The following LARP1 variants were observed in gnomAD, a reference collection of about 807,000 sequenced individuals.
LARP1 encodes the protein la-related protein 1.
In LARP1, 36 loss-of-function variants were observed where a neutral mutation model predicts 122.7. The observed-to-expected ratio is 0.29, with a 90% CI of 0.22 to 0.39. LARP1 has a LOEUF of 0.39. LARP1 is among the 10% of genes least tolerant of loss of function. The pLI is 1.00. For synonymous variants in LARP1, 539 were observed against 528.7 expected, an observed-to-expected ratio of 1.02 and a Z score of -0.27; for missense variants, 1,040 against 1,403.6, an observed-to-expected ratio of 0.74 and a Z score of 4.14.
chr5:154,703,577 G>A (rs1159241201), intron 1 of LARP1, among the ~76,000 whole-genome samples: 4 of 152,140 alleles, frequency 2.6e-5, no homozygotes, highest in African/African-American at 9.7e-5. Flanking sequence ...TTGTACCACT[G>A]CATTCCAACC....
At chr5:154,768,835 C>A (rs1324350007) in intron 1 of LARP1, among the ~76,000 whole-genome samples, 1 of 152,100 alleles carries the variant, frequency 6.6e-6, no homozygotes, top group Non-Finnish European at 1.5e-5. Flanking sequence ...CCCGCCTTGG[C>A]CTCCCAAAGT....
intron 1 of LARP1, among the ~76,000 whole-genome samples, chr5:154,702,001 G>A (rs1244483619): frequency 6.6e-6 from 1 of 152,134 alleles, no homozygotes; most frequent in Non-Finnish European, 1.5e-5. Flanking sequence ...TGTGACAGGA[G>A]CTCCCACAGA....
intron 1 of LARP1, among the ~76,000 whole-genome samples, chr5:154,777,012 A>G (rs1755947018): frequency 6.6e-6 from 1 of 152,242 alleles, no homozygotes; most frequent in Admixed American, 6.5e-5. Context: ...ATTCCGAGAA[A>G]TGTGTCATTA....
chr5:154,749,467 C>T (rs963421969), intron 1 of LARP1, among the ~76,000 whole-genome samples: 5 of 152,148 alleles, frequency 3.3e-5, no homozygotes, highest in African/African-American at 9.7e-5. Flanking sequence ...GGAAAAGGAT[C>T]GGCCTGGGGG....
intron 1 of LARP1, among the ~76,000 whole-genome samples, chr5:154,762,320 G>A (rs1754526756): frequency 6.6e-6 from 1 of 151,956 alleles, no homozygotes; most frequent in African/African-American, 2.4e-5. Context: ...TCAGAAGATT[G>A]CATTCCAAAG....
rs779864945 is a variant in LARP1 at position 154,793,676 on chromosome 5, G to A, written c.821G>A (p.Arg274His). 14 of 1,613,976 alleles carry A rather than the reference G, an allele frequency of 8.7e-6. No homozygotes were observed. The highest frequency in any genetic ancestry group is 1.6e-4 in the Middle Eastern group (1 of 6,084). Residue 274 changes from arginine to histidine, a missense_variant, in exon 5 of 19, where the codon CGC (arginine) becomes CAC (histidine). Physicochemically the swap from Arg to His is conservative, Grantham distance 29. Coordinates refer to ENST00000518297, the MANE Select transcript of LARP1 (RefSeq NM_033551.3). ...GAGAAACTGGCTTCACGCCCCACTC[G>A]CCCACCGGAGCCTAGACACATACCT... ...PREKLASRPT[R>H]PPEPRHIPAN... is the part of the protein sequence containing the mutation.
chr5:154,701,191 C>T (rs1300162819), intron 1 of LARP1, among the ~76,000 whole-genome samples: 2 of 152,202 alleles, frequency 1.3e-5, no homozygotes, highest in South Asian at 4.1e-4. Context: ...CCTCACTTGC[C>T]TTACCCTTAC....
chr5:154,806,175 T>A, intron 15 of LARP1, 143 bp downstream of exon 15: 1 of 885,180 alleles, frequency 1.1e-6, no homozygotes, highest in Non-Finnish European at 1.7e-6. Flanking sequence ...CAAGAAAGAC[T>A]GAAGTTAGAC....
At chr5:154,735,641 T>C (rs1756846402) in intron 1 of LARP1, among the ~76,000 whole-genome samples, 1 of 151,768 alleles carries the variant, frequency 6.6e-6, no homozygotes, top group African/African-American at 2.4e-5. Flanking sequence ...TGATCTCGGC[T>C]CATTGAAACC....
intron 1 of LARP1, among the ~76,000 whole-genome samples, chr5:154,737,927 C>G (rs1350789816): frequency 6.6e-6 from 1 of 152,136 alleles, no homozygotes; most frequent in African/African-American, 2.4e-5. Flanking sequence ...TTGCTTCACT[C>G]ACACTGCTGG....
At chr5:154,784,552 A>G (rs934508535) in intron 1 of LARP1, among the ~76,000 whole-genome samples, 1 of 152,120 alleles carries the variant, frequency 6.6e-6, no homozygotes, top group Admixed American at 6.5e-5. Flanking sequence ...TGGTCTTCCT[A>G]ATTTTCCTGG....
At chr5:154,762,648 C>T (rs1209456196) in intron 1 of LARP1, among the ~76,000 whole-genome samples, 1 of 152,168 alleles carries the variant, frequency 6.6e-6, no homozygotes, top group Non-Finnish European at 1.5e-5. Flanking sequence ...TCATATATGG[C>T]ATGGGACTTC....
chr5:154,809,662 A>T (rs1321148874), intron 16 of LARP1, among the ~76,000 whole-genome samples: 1 of 149,100 alleles, frequency 6.7e-6, no homozygotes, highest in African/African-American at 2.5e-5. Context: ...TATTGTAAGC[A>T]TTCTTCAGTA....
intron 3 of LARP1, 129 bp from the exon 4 acceptor site, chr5:154,792,493 A>G: frequency 2.4e-6 from 2 of 819,324 alleles, no homozygotes; most frequent in Admixed American, 4.5e-5. Flanking sequence ...TGACCTTAGA[A>G]TACATCCCAT....
chr5:154,704,210 A>C (rs756471106), intron 1 of LARP1, among the ~76,000 whole-genome samples: 1 of 152,344 alleles, frequency 6.6e-6, no homozygotes, highest in Non-Finnish European at 1.5e-5. Flanking sequence ...AGCACTGAGA[A>C]GGAAAAGTTC....
intron 1 of LARP1, among the ~76,000 whole-genome samples, chr5:154,762,338 T>C (rs1053084687): frequency 6.6e-6 from 1 of 152,180 alleles, no homozygotes; most frequent in South Asian, 2.1e-4. Context: ...AAGCCAGATA[T>C]TGGTAATTAC....
intron 1 of LARP1, among the ~76,000 whole-genome samples, chr5:154,718,961 A>G (rs1755687410): frequency 6.6e-6 from 1 of 152,178 alleles, no homozygotes; most frequent in Admixed American, 6.5e-5. Context: ...GTCATGTGGC[A>G]AGGCAAGGCA....
chr5:154,802,011 C>T lies in LARP1; in HGVS notation c.1721C>T (p.Ser574Leu). 1 of 1,610,490 alleles carries T rather than the reference C, an allele frequency of 6.2e-7. No homozygotes were observed. The highest frequency in any genetic ancestry group is 1.3e-5 in the African/African-American group (1 of 74,960). Reference protein sequence around the residue: ...PRPSPARPKKSEESRFSHLTS... With the variant: ...PRPSPARPKKLEESRFSHLTS... ...CCTTCGTCTGTCCTATTTTAGAAGT[C>T]AGAGGAGTCCAGATTTTCCCACCTG... Residue 574 changes from serine (S) to leucine (L), a missense_variant, in exon 11 of 19, where the codon TCA becomes TTA. By Grantham distance (145) the Ser-to-Leu change is moderately radical. Around this residue, in one of 8 missense-constraint regions of LARP1, gnomAD observed 362 missense variants for 533.1 expected, o/e 0.68. Transcript: ENST00000518297. The surrounding 1 kb of genome is among the most constrained non-coding windows in gnomAD (Gnocchi z 5.1).
chr5:154,813,229 G>A (rs1445192685), intron 18 of LARP1, among the ~76,000 whole-genome samples: 1 of 152,122 alleles, frequency 6.6e-6, no homozygotes, highest in Non-Finnish European at 1.5e-5. Flanking sequence ...AGGGAGGGGA[G>A]CAGGGTACAA....
Sources: gnomAD v4.1 joint callset for allele counts (sites outside exome capture counted in the v4.1 genomes callset) on GRCh38, gnomAD v4.1.1 for gene constraint, gnomAD v4.1.1 regional missense constraint, Gnocchi (gnomAD v3.1) non-coding constraint, MANE v1.5 for transcripts, NCBI Gene and HGNC (gene_info 2026-07-23, HGNC 2026-07-21) for gene names.